The following LRP1B variants were observed in gnomAD, a reference collection of about 807,000 sequenced individuals.
LRP1B encodes the protein LDL receptor related protein 1B, also known as low-density lipoprotein receptor-related protein 1B.
A neutral mutation model predicts 556.6 loss-of-function variants in LRP1B; 217 were observed. The observed-to-expected ratio is 0.39, with a 90% CI of 0.35 to 0.44. The LOEUF (loss-of-function observed/expected upper bound fraction) is 0.44, where lower values mean the gene tolerates loss of function less well. LRP1B is among the 20% of genes least tolerant of loss of function. The probability of loss-of-function intolerance (pLI) is 1.00; values close to 1 mark genes in which losing one functional copy is unlikely to be tolerated. For synonymous variants in LRP1B, 2,047 were observed against 1,865.8 expected (o/e 1.10, Z -2.50); for missense variants, 5,053 against 5,620.8 (o/e 0.90, Z 3.23).
rs55724105 is a variant in LRP1B, at chr2:140,657,586, C to CATATATATACATACATATAT, written c.6799+42663_6799+42664insATATATGTATGTATATATAT. On this transcript the variant is annotated intron_variant, in intron 41 of 90. Transcript: ENST00000389484. Reference sequence around the variant, plus strand: ...ATATACACATACATACATATATATACATACATACATATATATACATATATA... The same window carrying CATATATATACATACATATAT: ...ATATACACATACATACATATATATACATATATATACATACATATATATACATACATATATATACATATATA... 2.2e-4 allele frequency among the ~76,000 whole-genome samples: 32 copies of CATATATATACATACATATAT among 145,234 alleles called. 1 individual carries two copies. The South Asian group carries it at 5.6e-3, about 26-fold the overall frequency.
At chr2:140,742,874 A>G (rs951390308) in intron 35 of LRP1B, among the ~76,000 whole-genome samples, 1 of 152,210 alleles carries the variant, frequency 6.6e-6, no homozygotes, top group African/African-American at 2.4e-5. Context: ...ATAATATGAC[A>G]TAATACGTAA....
intron 1 of LRP1B, among the ~76,000 whole-genome samples, chr2:141,817,067 A>T (rs548364874): frequency 2.6e-5 from 4 of 152,308 alleles, no homozygotes; most frequent in Non-Finnish European, 4.4e-5. Flanking sequence ...TTTCAAGATG[A>T]TTACTTAAAA....
intron 1 of LRP1B, among the ~76,000 whole-genome samples, chr2:142,091,089 C>T (rs1706151392): frequency 6.6e-6 from 1 of 151,904 alleles, no homozygotes; most frequent in Non-Finnish European, 1.5e-5. Context: ...ATAAAATCTG[C>T]CTGAATTAGA....
At chr2:141,250,465 G>A (rs1684219506) in intron 4 of LRP1B, among the ~76,000 whole-genome samples, 1 of 152,166 alleles carries the variant, frequency 6.6e-6, no homozygotes. Context: ...AGGATAAGGT[G>A]CCTAGAGAGG....
At chr2:141,499,534 C>A (rs1226568662) in intron 2 of LRP1B, among the ~76,000 whole-genome samples, 1 of 151,938 alleles carries the variant, frequency 6.6e-6, no homozygotes, top group Non-Finnish European at 1.5e-5. Flanking sequence ...CTTTCCACAT[C>A]CTCTTTGGAA....
At chr2:140,880,294 A>C (rs1032111039) in intron 25 of LRP1B, among the ~76,000 whole-genome samples, 2 of 152,168 alleles carry the variant, frequency 1.3e-5, no homozygotes, top group African/African-American at 4.8e-5. Context: ...TACCTTGTAG[A>C]TTCTGCACAC....
intron 84 of LRP1B, among the ~76,000 whole-genome samples, chr2:140,284,723 C>G (rs1683057214): frequency 7.0e-5 from 1 of 14,216 alleles, no homozygotes; most frequent in Non-Finnish European, 7.4e-4. Flanking sequence ...TACTTTGCTT[C>G]TAGTTTTTTT....
At chr2:141,574,980 T>C (rs185046713) in intron 2 of LRP1B, among the ~76,000 whole-genome samples, 375 of 152,134 alleles carry the variant, frequency 2.5e-3, no homozygotes, top group South Asian at 0.017. Context: ...GGAAAAACAT[T>C]CCATTCTCAC....
At chr2:140,294,664 T>G (rs1683528839) in intron 84 of LRP1B, among the ~76,000 whole-genome samples, 1 of 152,112 alleles carries the variant, frequency 6.6e-6, no homozygotes, top group African/African-American at 2.4e-5. Flanking sequence ...AGACCTAGGA[T>G]GGATAGTAAT....
At chr2:140,704,815 T>C (rs1477517571) in intron 37 of LRP1B, among the ~76,000 whole-genome samples, 2 of 152,164 alleles carry the variant, frequency 1.3e-5, no homozygotes, top group African/African-American at 2.4e-5. Flanking sequence ...GAAATGTGCA[T>C]ATTAAAGATT....
chr2:140,521,820 G>C (rs1307599773), intron 49 of LRP1B, among the ~76,000 whole-genome samples: 4 of 151,996 alleles, frequency 2.6e-5, no homozygotes, highest in African/African-American at 7.2e-5. Context: ...GAAAAGGATG[G>C]AGAAAGATCT....
At chr2:140,602,982 C>T (rs1437497552) in intron 41 of LRP1B, among the ~76,000 whole-genome samples, 1 of 151,960 alleles carries the variant, frequency 6.6e-6, no homozygotes, top group African/African-American at 2.4e-5. Flanking sequence ...CTGGCTCCCC[C>T]ATTCACCTGA....
At chr2:140,273,224 T>C (rs1397109385) in intron 85 of LRP1B, among the ~76,000 whole-genome samples, 2 of 151,876 alleles carry the variant, frequency 1.3e-5, no homozygotes, top group African/African-American at 4.8e-5. Flanking sequence ...CTTATCCTGA[T>C]ATGGTGCACA....
intron 29 of LRP1B, among the ~76,000 whole-genome samples, chr2:140,849,200 CAAAAAAAAAA>C (rs70988447): frequency 4.0e-5 from 4 of 100,510 alleles, no homozygotes; most frequent in East Asian, 2.8e-4. Context: ...ACTAAAAATA[CAAAAAAAAAA>C]AAAAAAAAAA....
At position 140,463,275 on chromosome 2, in the gene LRP1B, C is replaced by T. The variant is rs150068134; in HGVS notation, c.9626-5624G>A. On this transcript the variant is annotated intron_variant, in intron 60 of 90. Transcript: ENST00000389484. ...GGTAGGCTAATCTCCAGAGAAGGAT[C>T]GTGGAGCCAGAGCTTTAGTTAAAAA... Among the ~76,000 whole-genome samples the T allele has an allele frequency of 6.2e-4, 94 of 152,146 alleles. 1 individual carries two copies. Among genetic ancestry groups the T allele is most frequent in the African/African-American group, 2.2e-3 (90 of 41,504 alleles).
At chr2:141,134,749 T>C (rs893945545) in intron 7 of LRP1B, among the ~76,000 whole-genome samples, 8 of 149,392 alleles carry the variant, frequency 5.4e-5, no homozygotes, top group Non-Finnish European at 1.0e-4. Context: ...GAAACAAGGG[T>C]GGGAGAAATA....
In LRP1B at chr2:140,699,917, G is replaced by GAAA. The variant is rs35411688; in HGVS notation, c.6799+330_6799+332dup. The stretch of plus-strand genomic sequence containing the variant: ...TCTTAAATATACAATTTGCCCACTG[G>GAAA]AAAAAAAAAATCAATTAGAATAGTT... On this transcript the variant is annotated intron_variant, in intron 41 of 90. Coordinates refer to ENST00000389484, the MANE Select transcript of LRP1B (RefSeq NM_018557.3). Among the ~76,000 whole-genome samples, 13 of 144,566 alleles carry GAAA rather than the reference G, an allele frequency of 9.0e-5. No homozygotes were observed. In the Admixed American group the frequency reaches 9.1e-4, roughly 10 times the overall value. The allele number at this position is 144,566 out of a possible 152,430, so 94.8% of individuals were successfully genotyped here.
chr2:141,409,963 T>C (rs997710348), intron 3 of LRP1B, among the ~76,000 whole-genome samples: 5 of 152,060 alleles, frequency 3.3e-5, no homozygotes, highest in Admixed American at 3.3e-4. Context: ...CTGAGTTCAC[T>C]GTAGAGGAAT....
intron 6 of LRP1B, among the ~76,000 whole-genome samples, chr2:141,219,618 G>T (rs1682953415): frequency 6.6e-6 from 1 of 152,120 alleles, no homozygotes; most frequent in Admixed American, 6.5e-5. Flanking sequence ...CTGATCACAT[G>T]CCTCCTGACT....
Sources: gnomAD v4.1 joint callset for allele counts (sites outside exome capture counted in the v4.1 genomes callset) on GRCh38, gnomAD v4.1.1 for gene constraint, MANE v1.5 for transcripts, NCBI Gene and HGNC (gene_info 2026-07-23, HGNC 2026-07-21) for gene names.